TMEM132D: variants seen among roughly 807,000 people sequenced by gnomAD.
TMEM132D encodes the protein transmembrane protein 132D, also known as mature OL transmembrane protein.
A neutral mutation model predicts 62.3 loss-of-function variants in TMEM132D; 21 were observed. That is an observed-to-expected ratio of 0.34 (90% CI 0.24 to 0.49). TMEM132D has a LOEUF of 0.49. Among genes scored for constraint, TMEM132D ranks in the 20% least tolerant of loss-of-function variants. The pLI is 0.99. For missense variants in TMEM132D, 1,346 were observed against 1,402.8 expected (o/e 0.96, Z 0.65); for synonymous variants, 621 against 575.6 (o/e 1.08, Z -1.13).
At chr12:129,566,489 G>A (rs1203593678) in intron 2 of TMEM132D, among the ~76,000 whole-genome samples, 2 of 152,132 alleles carry the variant, frequency 1.3e-5, no homozygotes, top group Non-Finnish European at 2.9e-5. Flanking sequence ...ATTTCAGGCA[G>A]AAATGACCAG....
At chr12:129,086,834 G>C (rs1286716874) in intron 5 of TMEM132D, among the ~76,000 whole-genome samples, 4 of 151,700 alleles carry the variant, frequency 2.6e-5, no homozygotes, top group Non-Finnish European at 5.9e-5. Flanking sequence ...ATGAGTGCAG[G>C]TATTTTTTCA....
intron 5 of TMEM132D, among the ~76,000 whole-genome samples, chr12:129,202,055 G>A (rs1470477226): frequency 6.6e-6 from 1 of 152,132 alleles, no homozygotes; most frequent in African/African-American, 2.4e-5. Context: ...GGAGGCAGAA[G>A]AGAGCATGGC....
In TMEM132D at chr12:129,152,068, G is replaced by T. The variant is rs139901231; in HGVS notation, c.1443+57452C>A. Among the ~76,000 whole-genome samples the T allele has an allele frequency of 2.6e-3, 401 of 152,212 alleles. 2 individuals are homozygous for T. The highest frequency in any genetic ancestry group is 9.1e-3 in the African/African-American group (377 of 41,520). ...AATTTTTGTAATTTTGGCGGAGATG[G>T]GGTTTCACCATGTTGGCCAGATGGT... On this transcript the variant is annotated intron_variant, in intron 5 of 8. Transcript: ENST00000422113.
At chr12:129,324,739 G>C (rs1593337721) in intron 4 of TMEM132D, among the ~76,000 whole-genome samples, 1 of 151,990 alleles carries the variant, frequency 6.6e-6, no homozygotes, top group East Asian at 1.9e-4. Context: ...CTGAGGCAGG[G>C]ATTGCTTGAA....
chr12:129,537,389 A>G (rs1292410045), intron 2 of TMEM132D, among the ~76,000 whole-genome samples: 1 of 152,136 alleles, frequency 6.6e-6, no homozygotes, highest in Non-Finnish European at 1.5e-5. Flanking sequence ...CCCACGATAA[A>G]GGAGACACTT....
chr12:129,647,854 A>T (rs1230088290), intron 2 of TMEM132D, among the ~76,000 whole-genome samples: 3 of 152,154 alleles, frequency 2.0e-5, no homozygotes, highest in Non-Finnish European at 4.4e-5. Context: ...AGAATATAAC[A>T]GTGAGAAAAT....
At chr12:129,526,375 C>T (rs1876038715) in intron 3 of TMEM132D, among the ~76,000 whole-genome samples, 1 of 152,276 alleles carries the variant, frequency 6.6e-6, no homozygotes, top group South Asian at 2.1e-4. Context: ...ACTTCTGCCT[C>T]CCAGGTTCAA....
At position 129,276,136 on chromosome 12, in the gene TMEM132D, C is replaced by T. The variant is rs571055599; in HGVS notation, c.1299+61498G>A. Among the ~76,000 whole-genome samples, 298 of 152,280 alleles carry T rather than the reference C, an allele frequency of 2.0e-3. 1 individual carries two copies. Among genetic ancestry groups the T allele is most frequent in the African/African-American group, 6.6e-3 (274 of 41,556 alleles). On this transcript the variant is annotated intron_variant, in intron 4 of 8. Transcript: ENST00000422113. ...TTCCCCCAAACTAGATTTCACCCTC[C>T]ACCCTCCCTAACCCCTAAAGGAAAT...
At chr12:129,383,719 G>A (rs1051711796) in intron 3 of TMEM132D, among the ~76,000 whole-genome samples, 1 of 152,232 alleles carries the variant, frequency 6.6e-6, no homozygotes, top group Non-Finnish European at 1.5e-5. Flanking sequence ...GATTATAGGT[G>A]TGAGCCACCA....
intron 2 of TMEM132D, among the ~76,000 whole-genome samples, chr12:129,654,937 G>A: frequency 6.6e-6 from 1 of 151,948 alleles, no homozygotes; most frequent in East Asian, 1.9e-4. Flanking sequence ...TAATTTCCTT[G>A]AATTCCTTTT....
At chr12:129,193,522 T>C (rs778799083) in intron 5 of TMEM132D, among the ~76,000 whole-genome samples, 9 of 152,230 alleles carry the variant, frequency 5.9e-5, no homozygotes, top group Non-Finnish European at 1.0e-4. Flanking sequence ...CATCATGCTT[T>C]AGAGCATTTT....
At chr12:129,582,659 C>T (rs1463115704) in intron 2 of TMEM132D, among the ~76,000 whole-genome samples, 2 of 151,194 alleles carry the variant, frequency 1.3e-5, no homozygotes, top group Non-Finnish European at 2.9e-5. Flanking sequence ...CACCTTGTCG[C>T]CCAGGCTGGA....
intron 4 of TMEM132D, among the ~76,000 whole-genome samples, chr12:129,289,547 T>TAAAAAAAAA (rs59709658): frequency 3.3e-4 from 30 of 89,904 alleles, no homozygotes; most frequent in East Asian, 6.2e-4. Flanking sequence ...TCCATCTCAA[T>TAAAAAAAAA]AAAAAAAAAA....
intron 2 of TMEM132D, among the ~76,000 whole-genome samples, chr12:129,632,690 G>A (rs1299080456): frequency 2.6e-5 from 4 of 152,138 alleles, no homozygotes; most frequent in Non-Finnish European, 1.5e-5. Context: ...CTACCCAACT[G>A]TCAAAGATAA....
intron 2 of TMEM132D, among the ~76,000 whole-genome samples, chr12:129,612,172 G>A (rs1241925502): frequency 2.0e-5 from 3 of 152,116 alleles, no homozygotes; most frequent in Admixed American, 6.5e-5. Flanking sequence ...TTTCAATGAC[G>A]GGCCCTGTAA....
At chr12:129,259,946 AGT>A (rs774340235) in intron 4 of TMEM132D, among the ~76,000 whole-genome samples, 2 of 152,128 alleles carry the variant, frequency 1.3e-5, no homozygotes, top group Non-Finnish European at 2.9e-5. Flanking sequence ...ACTGGAACCA[AGT>A]GTTTTCATTT....
chr12:129,413,374 CTAT>C (rs1288131296), intron 3 of TMEM132D, among the ~76,000 whole-genome samples: 1 of 152,166 alleles, frequency 6.6e-6, no homozygotes. Flanking sequence ...TTGCCTTCTG[CTAT>C]GATTGTGAGA....
At chr12:129,690,935 C>A (rs1000813906) in intron 2 of TMEM132D, among the ~76,000 whole-genome samples, 9 of 152,090 alleles carry the variant, frequency 5.9e-5, no homozygotes, top group Non-Finnish European at 1.2e-4. Flanking sequence ...AGAAAGATTA[C>A]ATTCTGTGCC....
intron 4 of TMEM132D, among the ~76,000 whole-genome samples, chr12:129,260,047 T>C (rs1162016213): frequency 6.6e-6 from 1 of 152,074 alleles, no homozygotes; most frequent in Admixed American, 6.5e-5. Flanking sequence ...AGTCTGAAAG[T>C]CATGGGAAAG....
Sources: allele counts gnomAD v4.1 joint callset (sites outside exome capture counted in the v4.1 genomes callset), GRCh38; gene constraint gnomAD v4.1.1; transcripts MANE v1.5; gene names NCBI Gene and HGNC (gene_info 2026-07-23, HGNC 2026-07-21).